GGNBP2: variants seen among roughly 807,000 people sequenced by gnomAD.
GGNBP2 encodes gametogenetin binding protein 2.
GGNBP2 carries 10 observed loss-of-function variants against 85.9 expected under a neutral mutation model. The observed-to-expected ratio is 0.12, with a 90% CI of 0.07 to 0.20. GGNBP2 has a LOEUF of 0.20. Among genes scored for constraint, GGNBP2 ranks in the 10% least tolerant of loss-of-function variants. The probability of loss-of-function intolerance (pLI) is 1.00; values close to 1 mark genes in which losing one functional copy is unlikely to be tolerated. For missense variants in GGNBP2, 595 were observed against 857.8 expected (o/e 0.69, Z 3.83); for synonymous variants, 287 against 285.7 (o/e 1.00, Z -0.05).
At position 36,585,465 on chromosome 17, in the gene GGNBP2, TC is replaced by T; in HGVS notation, c.1366+16del. 6.4e-7 allele frequency: 1 copy of T among 1,556,184 alleles called. No individual in the cohort carries two copies. The highest frequency in any genetic ancestry group is 8.8e-7 in the Non-Finnish European group (1 of 1,141,022). On this transcript the variant is annotated intron_variant, in intron 10 of 13. Transcript: ENST00000613102. ...AATAAAGAAAGGTAAGTAAATAATTTCTTTTTAAAATGAACTCTTAACTCTA... is the reference window on the plus strand; with the variant it reads ...AATAAAGAAAGGTAAGTAAATAATTTTTTTTAAAATGAACTCTTAACTCTA...
intron 2 of GGNBP2, among the ~76,000 whole-genome samples, chr17:36,553,979 A>G (rs2074335818): frequency 6.6e-6 from 1 of 152,168 alleles, no homozygotes; most frequent in African/African-American, 2.4e-5. Context: ...GAATAAGTAT[A>G]TCAATGTGCC....
intron 3 of GGNBP2, among the ~76,000 whole-genome samples, chr17:36,555,393 T>C (rs2074352188): frequency 6.6e-6 from 1 of 152,200 alleles, no homozygotes; most frequent in African/African-American, 2.4e-5. Context: ...ACAATGCTTA[T>C]ACAAAATGAT....
At chr17:36,575,212 G>A (rs1415184801) in intron 6 of GGNBP2, 2 of 644,222 alleles carry the variant, frequency 3.1e-6, no homozygotes, top group Non-Finnish European at 5.6e-6. Flanking sequence ...CTCAGCCGCG[G>A]CCTCAGCCCC....
At chr17:36,570,206 C>T (rs535902450) in intron 6 of GGNBP2, among the ~76,000 whole-genome samples, 3 of 151,916 alleles carry the variant, frequency 2.0e-5, no homozygotes, top group African/African-American at 4.8e-5. Context: ...GGTAAAACCC[C>T]GTCTCTACAA....
intron 2 of GGNBP2, chr17:36,546,247 T>A (rs1660816992): frequency 3.2e-6 from 1 of 311,970 alleles, no homozygotes; most frequent in Admixed American, 4.9e-5. Context: ...TTAATACTGG[T>A]AGCTCTCACC....
At chr17:36,554,151 A>C (rs893122453) in intron 2 of GGNBP2, among the ~76,000 whole-genome samples, 8 of 151,670 alleles carry the variant, frequency 5.3e-5, no homozygotes, top group Admixed American at 1.3e-4. Flanking sequence ...TCTACTAAAA[A>C]TACAAAAATT....
chr17:36,577,783 T>C (rs2074606569), intron 6 of GGNBP2, 200 bp from the exon 7 acceptor site: 1 of 596,228 alleles, frequency 1.7e-6, no homozygotes, highest in Non-Finnish European at 3.0e-6. Context: ...TTAAAAATAA[T>C]TTGCCAATGA....
At chr17:36,578,728 G>A (rs1472821813) in intron 7 of GGNBP2, 1 of 154,780 alleles carries the variant, frequency 6.5e-6, no homozygotes, top group Non-Finnish European at 1.4e-5. Context: ...TTGTATTTAG[G>A]GTATCAACCC....
rs1343090412 is a variant in GGNBP2, at chr17:36,545,828, CG to C, written c.93+14del. The C allele has an allele frequency of 1.3e-6, 2 of 1,535,658 alleles. No individual in the cohort carries two copies. The highest frequency in any genetic ancestry group is 1.7e-4 in the Middle Eastern group (1 of 5,904). Reference sequence around the variant, plus strand: ...GACGACACCCTGACGGTGAGCGGGCCGGGCCGGGCTGGGCCCGCCGCTCCCC... The same window carrying C: ...GACGACACCCTGACGGTGAGCGGGCCGGCCGGGCTGGGCCCGCCGCTCCCC... On this transcript the variant is annotated intron_variant, in intron 2 of 13. Coordinates refer to ENST00000613102, the MANE Select transcript of GGNBP2 (RefSeq NM_024835.5).
At chr17:36,568,779 C>T (rs1488936547) in intron 6 of GGNBP2, among the ~76,000 whole-genome samples, 3 of 149,132 alleles carry the variant, frequency 2.0e-5, no homozygotes, top group African/African-American at 2.5e-5. Context: ...TTTTTTGAGA[C>T]GAAGTCTCGC....
chr17:36,588,536 G>A (rs1039777472), intron 13 of GGNBP2, among the ~76,000 whole-genome samples: 1 of 151,982 alleles, frequency 6.6e-6, no homozygotes, highest in Non-Finnish European at 1.5e-5. Context: ...GATTACAGGC[G>A]TGAGCCACCG....
intron 6 of GGNBP2, chr17:36,574,974 T>A (rs1462086150): frequency 4.1e-5 from 61 of 1,505,646 alleles, no homozygotes; most frequent in Non-Finnish European, 5.5e-5. Flanking sequence ...ATCTTGAACC[T>A]GGTGCGCTGG....
At chr17:36,585,686 C>T (rs1405129930) in intron 10 of GGNBP2, 154 bp from the exon 11 acceptor site, 2 of 669,328 alleles carry the variant, frequency 3.0e-6, no homozygotes, top group East Asian at 3.0e-5. Flanking sequence ...ATTTAATTTA[C>T]TTTCTACTTA....
chr17:36,562,560 C>T (rs2074428068), intron 5 of GGNBP2, among the ~76,000 whole-genome samples: 1 of 151,158 alleles, frequency 6.6e-6, no homozygotes. Flanking sequence ...CGAGTTACAC[C>T]ATTATTGTAT....
At chr17:36,555,416 A>T (rs527652359) in intron 3 of GGNBP2, among the ~76,000 whole-genome samples, 6 of 152,306 alleles carry the variant, frequency 3.9e-5, no homozygotes, top group African/African-American at 1.4e-4. Context: ...AGTAAGGGCT[A>T]GGCATGGTGG....
At position 36,554,778 on chromosome 17, in the gene GGNBP2, G is replaced by T. The variant is rs746239401; in HGVS notation, c.94-42G>T. The T allele has an allele frequency of 1.2e-5, 15 of 1,200,918 alleles. No individual in the cohort carries two copies. The Admixed American group carries it at 2.5e-4, about 20-fold the overall frequency. 74.4% of individuals were successfully genotyped at this position (1,200,918 alleles called of 1,614,324 possible). ...GTTTGTAGGCTGTATCCTGTTCTCA[G>T]AGGGGTAAAGTAATTGATTTCCGTT... On this transcript the variant is annotated intron_variant, in intron 2 of 13. Transcript: ENST00000613102.
intron 7 of GGNBP2, 56 bp downstream of exon 7, chr17:36,578,242 A>G: frequency 7.6e-7 from 1 of 1,318,230 alleles, no homozygotes; most frequent in South Asian, 1.3e-5. Context: ...TCATTTTATT[A>G]CTGAAAGTTT....
At chr17:36,560,728 A>AAAGTAAAATG in intron 4 of GGNBP2, 45 bp from the exon 5 acceptor site, 1 of 1,126,266 alleles carries the variant, frequency 8.9e-7, no homozygotes, top group Non-Finnish European at 1.3e-6. Flanking sequence ...TTAAAATTTG[A>AAAGTAAAATG]AAGTAAAATG....
chr17:36,569,903 T>A (rs936404001), intron 6 of GGNBP2, among the ~76,000 whole-genome samples: 7 of 152,220 alleles, frequency 4.6e-5, no homozygotes, highest in Non-Finnish European at 1.0e-4. Context: ...TGTTTTAACA[T>A]TTTTAGATGG....
Sources: gnomAD v4.1 joint callset for allele counts (sites outside exome capture counted in the v4.1 genomes callset) on GRCh38, gnomAD v4.1.1 for gene constraint, MANE v1.5 for transcripts, NCBI Gene and HGNC (gene_info 2026-07-23, HGNC 2026-07-21) for gene names.